NELL2: variants seen among roughly 807,000 people sequenced by gnomAD.
NELL2 encodes the protein neural EGFL like 2.
In NELL2, 41 loss-of-function variants were observed where a neutral mutation model predicts 109.6. That is an observed-to-expected ratio of 0.37 (90% CI 0.29 to 0.49). NELL2 has a LOEUF of 0.49. NELL2 is among the 20% of genes least tolerant of loss of function. The probability of loss-of-function intolerance (pLI) is 0.98; values close to 1 mark genes in which losing one functional copy is unlikely to be tolerated. For missense variants in NELL2, 900 were observed against 1,008.3 expected (o/e 0.89, Z 1.45); for synonymous variants, 355 against 344.7 (o/e 1.03, Z -0.33).
At chr12:44,533,632 A>G (rs115362742) in intron 15 of NELL2, among the ~76,000 whole-genome samples, 1,861 of 152,228 alleles carry the variant, frequency 0.012, 34 homozygotes, top group African/African-American at 0.043. Flanking sequence ...GCTTATTACT[A>G]TTCCTAAATA....
chr12:44,536,732 G>A (rs1292074801), intron 15 of NELL2, among the ~76,000 whole-genome samples: 1 of 151,804 alleles, frequency 6.6e-6, no homozygotes, highest in East Asian at 1.9e-4. Context: ...TTCTGTCTTA[G>A]AAAGGAACTA....
upstream of NELL2, among the ~76,000 whole-genome samples, chr12:44,916,312 A>C (rs536316572): frequency 1.1e-3 from 161 of 152,320 alleles, no homozygotes; most frequent in African/African-American, 3.6e-3. Flanking sequence ...TAAAGGCAAG[A>C]AAGTTGAAAA....
intron 15 of NELL2, among the ~76,000 whole-genome samples, chr12:44,581,190 T>C (rs1476253796): frequency 2.0e-5 from 3 of 152,188 alleles, no homozygotes; most frequent in Admixed American, 2.0e-4. Context: ...CCATCAGTTT[T>C]TACTTACCAA....
intron 18 of NELL2, among the ~76,000 whole-genome samples, chr12:44,521,447 G>A (rs1430747347): frequency 1.3e-5 from 2 of 150,396 alleles, no homozygotes; most frequent in South Asian, 2.1e-4. Flanking sequence ...GGAGAATGGC[G>A]TGAACCCGGG....
chr12:44,577,778 G>A (rs186059310), intron 15 of NELL2, among the ~76,000 whole-genome samples: 13 of 152,090 alleles, frequency 8.5e-5, no homozygotes, highest in South Asian at 2.1e-4. Context: ...GCACCTGGCC[G>A]AGCCTGCCTT....
intron 1 of NELL2, among the ~76,000 whole-genome samples, chr12:44,898,242 C>G (rs980534527): frequency 6.6e-6 from 1 of 152,192 alleles, no homozygotes; most frequent in Non-Finnish European, 1.5e-5. Flanking sequence ...TCTCCCAGCA[C>G]AGCACTCGAG....
chr12:44,568,710 A>G (rs1943752351), intron 15 of NELL2, among the ~76,000 whole-genome samples: 2 of 152,034 alleles, frequency 1.3e-5, no homozygotes, highest in South Asian at 4.1e-4. Context: ...TGATTCTGAA[A>G]TATAGTATGT....
At chr12:44,585,457 C>A (rs1184698680) in intron 15 of NELL2, among the ~76,000 whole-genome samples, 2 of 151,998 alleles carry the variant, frequency 1.3e-5, no homozygotes, top group African/African-American at 4.8e-5. Context: ...CAAAAATTAT[C>A]TGGGTGTGGT....
chr12:44,724,099 G>C (rs1002163377), intron 9 of NELL2, among the ~76,000 whole-genome samples: 7 of 151,786 alleles, frequency 4.6e-5, no homozygotes, highest in Admixed American at 1.3e-4. Flanking sequence ...GCAAAACTTG[G>C]ACACAGCTAG....
intron 2 of NELL2, among the ~76,000 whole-genome samples, chr12:44,823,301 A>G (rs1015127694): frequency 2.0e-5 from 3 of 152,160 alleles, no homozygotes; most frequent in Admixed American, 1.3e-4. Flanking sequence ...ATACAGTGTT[A>G]ATAACTATAG....
intron 15 of NELL2, among the ~76,000 whole-genome samples, chr12:44,533,670 G>A (rs1045805142): frequency 6.6e-6 from 1 of 152,014 alleles, no homozygotes; most frequent in Non-Finnish European, 1.5e-5. Flanking sequence ...TTCTTGTTTC[G>A]TCTACTGAAT....
At chr12:44,666,877 C>G (rs779580528) in intron 12 of NELL2, among the ~76,000 whole-genome samples, 1 of 152,174 alleles carries the variant, frequency 6.6e-6, no homozygotes, top group Admixed American at 6.5e-5. Flanking sequence ...TAGTTTCTAA[C>G]CTACCTGCTC....
chr12:44,539,269 G>A (rs1199553226), intron 15 of NELL2, among the ~76,000 whole-genome samples: 1 of 151,570 alleles, frequency 6.6e-6, no homozygotes, highest in South Asian at 2.1e-4. Flanking sequence ...TTTTAATTTG[G>A]GCTTTTTGTC....
At chr12:44,703,416 C>T (rs1036980322) in intron 12 of NELL2, among the ~76,000 whole-genome samples, 4 of 151,970 alleles carry the variant, frequency 2.6e-5, no homozygotes, top group Non-Finnish European at 4.4e-5. Context: ...TAACTGCAAG[C>T]CACAGTAATC....
intron 16 of NELL2, among the ~76,000 whole-genome samples, chr12:44,528,145 T>C (rs1941888198): frequency 6.8e-6 from 1 of 146,634 alleles, no homozygotes; most frequent in South Asian, 2.2e-4. Flanking sequence ...TCAGAGCATG[T>C]TGTACTCTGA....
intron 9 of NELL2, among the ~76,000 whole-genome samples, chr12:44,748,008 C>T (rs1049153592): frequency 1.3e-5 from 2 of 152,134 alleles, no homozygotes; most frequent in South Asian, 2.1e-4. Flanking sequence ...TTAATCAATA[C>T]ATCATACTGT....
intron 1 of NELL2, among the ~76,000 whole-genome samples, chr12:44,912,573 G>C (rs1651145300): frequency 6.6e-6 from 1 of 152,012 alleles, no homozygotes; most frequent in African/African-American, 2.4e-5. Flanking sequence ...AATGCTACTG[G>C]AGTAATGGGG....
At chr12:44,786,537 A>T (rs1397678351) in intron 3 of NELL2, among the ~76,000 whole-genome samples, 2 of 152,200 alleles carry the variant, frequency 1.3e-5, no homozygotes, top group Non-Finnish European at 2.9e-5. Context: ...TATATACCCA[A>T]AGGATTATAA....
Position 44,779,747 on chromosome 12 carries a change from C to T in NELL2, c.522G>A (p.Arg174=), listed in dbSNP as rs1450130077. Residue 174 remains arginine, a synonymous_variant, in exon 5 of 20, where the codon AGG becomes AGA. Transcript: ENST00000429094. ...LHIDCNKIYE[R]VVEKPSTDLP... is the part of the protein sequence containing the mutation. ...AGTCTGTGGAGGGCTTTTCTACTAC[C>T]CTTTCATAAATTCTGCAAAAAAGAA... 2.5e-6 allele frequency: 4 copies of T among 1,613,892 alleles called. No homozygotes were observed. The South Asian group carries it at 3.3e-5, about 13-fold the overall frequency.
Sources: gnomAD v4.1 joint callset for allele counts (sites outside exome capture counted in the v4.1 genomes callset) on GRCh38, gnomAD v4.1.1 for gene constraint, MANE v1.5 for transcripts, NCBI Gene and HGNC (gene_info 2026-07-23, HGNC 2026-07-21) for gene names.